PTGFRN: variants seen among roughly 807,000 people sequenced by gnomAD.
The protein encoded by PTGFRN is prostaglandin F2 receptor negative regulator.
Under a neutral mutation model 83.2 loss-of-function variants are expected in PTGFRN, and 35 were observed. The ratio of observed to expected loss-of-function variants is 0.42; its 90% CI spans 0.32 to 0.56. The LOEUF is 0.56. PTGFRN is among the 20% of genes least tolerant of loss of function. The pLI is 0.11. For missense variants in PTGFRN, 1,051 were observed against 1,179.5 expected, an observed-to-expected ratio of 0.89 and a Z score of 1.60; for synonymous variants, 519 against 498.6, an observed-to-expected ratio of 1.04 and a Z score of -0.55.
chr1:116,927,952 G>A (rs1034021396), intron 1 of PTGFRN, among the ~76,000 whole-genome samples: 4 of 152,140 alleles, frequency 2.6e-5, no homozygotes, highest in African/African-American at 4.8e-5. Context: ...GAGAACATGC[G>A]TATGAAGGCT....
In PTGFRN at chr1:116,984,861, C is replaced by G. The variant is rs367733402; in HGVS notation, c.2349C>G (p.Ser783=). The G allele has an allele frequency of 1.9e-6, 3 of 1,614,108 alleles. No homozygotes were observed. The highest frequency in any genetic ancestry group is 2.7e-5 in the African/African-American group (2 of 75,014). ...AATTCTTGCTGCAAGTGCATGGCTC[C>G]GAGGACCAGGACTTTGGCAACTACT... is the stretch of plus-strand genomic sequence containing the variant. ...VLEFLLQVHG[S]EDQDFGNYYC... is the part of the protein sequence containing the mutation. The change falls in exon 8 of 9, where the codon TCC becomes TCG. Residue 783 remains serine (S), a synonymous_variant. Transcript: ENST00000393203.
At chr1:116,971,802 A>G (rs999066469) in intron 6 of PTGFRN, among the ~76,000 whole-genome samples, 1 of 152,246 alleles carries the variant, frequency 6.6e-6, no homozygotes, top group Non-Finnish European at 1.5e-5. Context: ...AACATAAAGA[A>G]AAAGTGAAAT....
chr1:116,976,990 A>G (rs567682581), intron 7 of PTGFRN, among the ~76,000 whole-genome samples: 10 of 152,224 alleles, frequency 6.6e-5, no homozygotes, highest in Non-Finnish European at 1.5e-4. Flanking sequence ...TCTCGCGTGC[A>G]GAGACACACA....
chr1:116,910,250 T>G lies in PTGFRN; in HGVS notation c.47T>G (p.Leu16Trp), dbSNP rs1649231036. 6.9e-7 allele frequency: 1 copy of G among 1,442,720 alleles called. No homozygotes were observed. The highest frequency in any genetic ancestry group is 1.4e-5 in the South Asian group (1 of 70,580). The allele number at this position is 1,442,720 out of a possible 1,614,324, so 89.4% of individuals were successfully genotyped here. The change falls in exon 1 of 9, where the codon TTG (leucine) becomes TGG (tryptophan). Residue 16 changes from leucine to tryptophan, a missense_variant and splice_region_variant. Physicochemically the swap from Leu to Trp is moderately conservative, Grantham distance 61. Coordinates refer to ENST00000393203, the MANE Select transcript of PTGFRN (RefSeq NM_020440.4). ...CCGCTGCTGCTGGCGCTCCTGTCGT[T>G]GGGTGAGTGTGCGCGGGGCTCAGCG... is the stretch of plus-strand genomic sequence containing the variant. ...SRPLLLALLS[L>W]ALCRGRVVRV... is the part of the protein sequence containing the mutation.
chr1:116,986,760 C>G, intron 8 of PTGFRN, 41 bp from the exon 9 acceptor site: 1 of 1,602,352 alleles, frequency 6.2e-7, no homozygotes, highest in Non-Finnish European at 8.5e-7. Flanking sequence ...CGGCCTCCCT[C>G]GCAGCACTGA....
At chr1:116,957,174 TGTTTG>T (rs1650526079) in intron 4 of PTGFRN, among the ~76,000 whole-genome samples, 2 of 150,834 alleles carry the variant, frequency 1.3e-5, no homozygotes, top group African/African-American at 2.4e-5. Flanking sequence ...TGTGTGTGTG[TGTTTG>T]TGTTTGTGTG....
In PTGFRN at chr1:116,952,561, T is replaced by C. The variant is rs1355303872; in HGVS notation, c.1213+2989T>C. ...CAAAAGGGTAAAAGAAGAATAGATA[T>C]TGCAAGGTGGTTGGTATGAATTAGT... On this transcript the variant is annotated intron_variant, in intron 4 of 8. Coordinates refer to ENST00000393203, the MANE Select transcript of PTGFRN (RefSeq NM_020440.4). The surrounding 1 kb of genome is among the most constrained non-coding windows in gnomAD (Gnocchi z 4.0). Among the ~76,000 whole-genome samples the C allele has an allele frequency of 1.3e-5, 2 of 150,896 alleles. No homozygotes were observed. Among genetic ancestry groups the C allele is most frequent in the African/African-American group, 2.4e-5 (1 of 40,832 alleles).
chr1:116,916,832 G>C (rs1391097973), intron 1 of PTGFRN, among the ~76,000 whole-genome samples: 1 of 152,202 alleles, frequency 6.6e-6, no homozygotes, highest in South Asian at 2.1e-4. Context: ...GCATTGTTCT[G>C]AGGATTGCTG....
At chr1:116,921,909 GA>G (rs1453267933) in intron 1 of PTGFRN, among the ~76,000 whole-genome samples, 1 of 152,178 alleles carries the variant, frequency 6.6e-6, no homozygotes, top group Non-Finnish European at 1.5e-5. Context: ...GGAGCAGGAG[GA>G]AATGCATTTC....
At chr1:116,978,013 A>C (rs1651205630) in intron 7 of PTGFRN, among the ~76,000 whole-genome samples, 1 of 152,248 alleles carries the variant, frequency 6.6e-6, no homozygotes, top group African/African-American at 2.4e-5. Context: ...AGAATCAAAT[A>C]GATGCAATAA....
intron 1 of PTGFRN, among the ~76,000 whole-genome samples, chr1:116,933,965 A>G (rs1196585018): frequency 6.6e-6 from 1 of 152,144 alleles, no homozygotes. Context: ...ATCTCTTCAA[A>G]AATTATGCCT....
At chr1:116,922,281 T>C (rs1259956447) in intron 1 of PTGFRN, among the ~76,000 whole-genome samples, 1 of 152,176 alleles carries the variant, frequency 6.6e-6, no homozygotes, top group African/African-American at 2.4e-5. Flanking sequence ...CAATTACTGA[T>C]GTTCCCCCCA....
Position 116,986,835 on chromosome 1 carries a change from C to T in PTGFRN, c.2508C>T (p.Gly836=), listed in dbSNP as rs369397871. The change falls in exon 9 of 9, where the codon GGC becomes GGT. Residue 836 remains glycine, a synonymous_variant. Coordinates refer to ENST00000393203, the MANE Select transcript of PTGFRN (RefSeq NM_020440.4). ...LNAFKYPLLI[G]VGLSTVIGLL... is the part of the protein sequence containing the mutation. The stretch of plus-strand genomic sequence containing the variant: ...CCTTCAAGTATCCCTTGCTGATCGG[C>T]GTCGGTCTGTCCACGGTCATCGGGC... 5.6e-6 allele frequency: 9 copies of T among 1,614,160 alleles called. No individual in the cohort carries two copies. Among genetic ancestry groups the T allele is most frequent in the Non-Finnish European group, 7.6e-6 (9 of 1,179,980 alleles).
intron 5 of PTGFRN, among the ~76,000 whole-genome samples, chr1:116,963,924 A>G (rs187334278): frequency 2.6e-5 from 4 of 151,968 alleles, no homozygotes; most frequent in East Asian, 1.9e-4. Flanking sequence ...TAGAGGCACT[A>G]TAGGCCTCTA....
chr1:116,965,359 C>T (rs1324335019), intron 5 of PTGFRN, among the ~76,000 whole-genome samples: 1 of 152,162 alleles, frequency 6.6e-6, no homozygotes, highest in African/African-American at 2.4e-5. Flanking sequence ...AGTGCAGTGG[C>T]ACCATCATAA....
chr1:116,949,828 G>A (rs1329617965), intron 4 of PTGFRN, among the ~76,000 whole-genome samples: 4 of 152,102 alleles, frequency 2.6e-5, no homozygotes, highest in Non-Finnish European at 5.9e-5. Flanking sequence ...TTTTGTTGTC[G>A]ACATTTGCAG....
intron 3 of PTGFRN, among the ~76,000 whole-genome samples, chr1:116,945,370 G>C (rs946162842): frequency 3.3e-5 from 5 of 152,148 alleles, no homozygotes; most frequent in Non-Finnish European, 7.4e-5. Context: ...ATAACACGAA[G>C]GCAGATCTTT....
Position 116,941,737 on chromosome 1 carries a change from G to A in PTGFRN, c.72G>A (p.Val24=), listed in dbSNP as rs767863406. ...LSLALCRGRV[V]RVPTATLVRV... is the part of the protein sequence containing the mutation. The stretch of plus-strand genomic sequence containing the variant: ...CAGCTCTTTGCCGAGGGCGTGTGGT[G>A]AGAGTCCCCACAGCGACCCTGGTTC... The change falls in exon 2 of 9, where the codon GTG becomes GTA. Residue 24 remains valine, a synonymous_variant. Transcript: ENST00000393203. This position sits in a 1 kb window ranked among gnomAD's most constrained non-coding sequence, Gnocchi z 5.0. 1 of 1,613,426 alleles carries A rather than the reference G, an allele frequency of 6.2e-7. No individual in the cohort carries two copies. The highest frequency in any genetic ancestry group is 8.5e-7 in the Non-Finnish European group (1 of 1,179,566).
chr1:116,966,997 A>G lies in PTGFRN; in HGVS notation c.1726A>G (p.Lys576Glu). Residue 576 changes from lysine (K) to glutamate (E), a missense_variant, in exon 6 of 9, where the codon AAG becomes GAG. By Grantham distance (56) the Lys-to-Glu change is moderately conservative. Coordinates refer to ENST00000393203, the MANE Select transcript of PTGFRN (RefSeq NM_020440.4). ...TFEMTCKVSS[K>E]NIKSPRYSVL... ...TGAGATGACTTGCAAAGTATCTTCCAAGAATATTAAGTCGCCACGCTACTC... is the reference window on the plus strand; with the variant it reads ...TGAGATGACTTGCAAAGTATCTTCCGAGAATATTAAGTCGCCACGCTACTC... 2 of 1,614,168 alleles carry G rather than the reference A, an allele frequency of 1.2e-6. No homozygotes were observed. Among genetic ancestry groups the G allele is most frequent in the Non-Finnish European group, 1.7e-6 (2 of 1,180,006 alleles).
Sources: allele counts gnomAD v4.1 joint callset (sites outside exome capture counted in the v4.1 genomes callset), GRCh38; gene constraint gnomAD v4.1.1; non-coding constraint Gnocchi (gnomAD v3.1); transcripts MANE v1.5; gene names NCBI Gene and HGNC (gene_info 2026-07-23, HGNC 2026-07-21).